AGAP1: variants seen among roughly 807,000 people sequenced by gnomAD.
The protein encoded by AGAP1 is arf-GAP with GTPase, ANK repeat and PH domain-containing protein 1.
In AGAP1, 29 loss-of-function variants were observed where a neutral mutation model predicts 105.3. The ratio of observed to expected loss-of-function variants is 0.28; its 90% CI spans 0.21 to 0.38. The LOEUF is 0.38. AGAP1 is among the 10% of genes least tolerant of loss of function. The pLI, the probability that AGAP1 is intolerant of heterozygous loss-of-function variation, is 1.00. For missense variants in AGAP1, 998 were observed against 1,165.1 expected, an observed-to-expected ratio of 0.86 and a Z score of 2.09; for synonymous variants, 509 against 485.9, an observed-to-expected ratio of 1.05 and a Z score of -0.63.
Position 236,090,567 on chromosome 2 carries a change from C to A in AGAP1, c.2115-29625C>A, listed in dbSNP as rs1401137544. Among the ~76,000 whole-genome samples the A allele has an allele frequency of 1.3e-5, 2 of 152,194 alleles. No homozygotes were observed. The highest frequency in any genetic ancestry group is 3.9e-4 in the East Asian group (2 of 5,170). ...GTGAGAGGCGGGGGTCGGAGGGAGGCCTTCCTCCTGCAGCGTGTTTCCAGT... is the reference window on the plus strand; with the variant it reads ...GTGAGAGGCGGGGGTCGGAGGGAGGACTTCCTCCTGCAGCGTGTTTCCAGT... On this transcript the variant is annotated intron_variant, in intron 16 of 17. Coordinates refer to ENST00000304032, the MANE Select transcript of AGAP1 (RefSeq NM_001037131.3). This position sits in a 1 kb window ranked among gnomAD's most constrained non-coding sequence, Gnocchi z 4.3.
At chr2:235,634,948 C>T (rs1048937876) in intron 1 of AGAP1, among the ~76,000 whole-genome samples, 1 of 151,754 alleles carries the variant, frequency 6.6e-6, no homozygotes, top group Non-Finnish European at 1.5e-5. Context: ...GGTCCACCCC[C>T]ACCTCCTCAC....
chr2:235,783,416 C>A, intron 6 of AGAP1: 1 of 470,622 alleles, frequency 2.1e-6, no homozygotes. Context: ...TCAGGTGTTG[C>A]TTTCTTTGTG....
rs931639540 is a variant in AGAP1 at position 235,977,421 on chromosome 2, C to T, written c.1645+8798C>T. On this transcript the variant is annotated intron_variant, in intron 13 of 17. Coordinates refer to ENST00000304032, the MANE Select transcript of AGAP1 (RefSeq NM_001037131.3). This position sits in a 1 kb window ranked among gnomAD's most constrained non-coding sequence, Gnocchi z 5.2. Reference sequence around the variant, plus strand: ...TGTGTCTTCCTTACTATTCTAAATCCTCATCTACTCTTTCTACTTTCCTCA... The same window carrying T: ...TGTGTCTTCCTTACTATTCTAAATCTTCATCTACTCTTTCTACTTTCCTCA... Among the ~76,000 whole-genome samples, 2 of 152,084 alleles carry T rather than the reference C, an allele frequency of 1.3e-5. No individual in the cohort carries two copies. Among genetic ancestry groups the T allele is most frequent in the Admixed American group, 6.6e-5 (1 of 15,250 alleles).
intron 16 of AGAP1, among the ~76,000 whole-genome samples, chr2:236,116,309 T>G (rs1320830299): frequency 2.0e-5 from 3 of 152,052 alleles, no homozygotes; most frequent in Non-Finnish European, 4.4e-5. Flanking sequence ...ATGCTGATTT[T>G]TTTTCCATAA....
In AGAP1 at chr2:235,631,650, A is replaced by G. The variant is rs983005071; in HGVS notation, c.164-77529A>G. On this transcript the variant is annotated intron_variant, in intron 1 of 17. Coordinates refer to ENST00000304032, the MANE Select transcript of AGAP1 (RefSeq NM_001037131.3). This position sits in a 1 kb window ranked among gnomAD's most constrained non-coding sequence, Gnocchi z 5.4. ...CCGTGTGATTCTGGGCAAGTTGGTT[A>G]ACCTCTCTGTGCTTAGGTGACCTTC... Among the ~76,000 whole-genome samples the G allele has an allele frequency of 8.5e-5, 13 of 152,210 alleles. No individual in the cohort carries two copies. The highest frequency in any genetic ancestry group is 1.6e-4 in the Non-Finnish European group (11 of 68,034).
intron 1 of AGAP1, among the ~76,000 whole-genome samples, chr2:235,668,143 C>G (rs552896621): frequency 1.3e-5 from 2 of 152,048 alleles, no homozygotes; most frequent in African/African-American, 4.8e-5. Context: ...ATGTTAAGGT[C>G]GAGGCCACAG....
At chr2:235,763,738 A>G (rs746547012) in intron 6 of AGAP1, among the ~76,000 whole-genome samples, 4 of 152,192 alleles carry the variant, frequency 2.6e-5, no homozygotes, top group Non-Finnish European at 5.9e-5. Flanking sequence ...GTTTATACAC[A>G]GAAGTATTAT....
intron 13 of AGAP1, among the ~76,000 whole-genome samples, chr2:236,011,949 G>A (rs1389531213): frequency 6.6e-6 from 1 of 151,970 alleles, no homozygotes; most frequent in Admixed American, 6.6e-5. Context: ...AGCAGCATCC[G>A]ACATAACCCA....
Position 236,049,331 on chromosome 2 carries a change from G to A in AGAP1, c.2114+50G>A, listed in dbSNP as rs532986231. The A allele has an allele frequency of 3.9e-6, 6 of 1,553,478 alleles. No homozygotes were observed. In the South Asian group the frequency reaches 4.6e-5, roughly 12 times the overall value. On this transcript the variant is annotated intron_variant, in intron 16 of 17. Transcript: ENST00000304032. ...CTCCCGACACGTTTGCCAACAGTTA[G>A]GCAACTGGAAGTGATCATAATGACA... is the stretch of plus-strand genomic sequence containing the variant.
chr2:236,061,242 G>A lies in AGAP1; in HGVS notation c.2114+11961G>A, dbSNP rs1463108394. Reference sequence around the variant, plus strand: ...CTCTTGGACGGTCGTGGCAAGTGTTGGTGAGGAACGTGGAGACACTGGTGC... The same window carrying A: ...CTCTTGGACGGTCGTGGCAAGTGTTAGTGAGGAACGTGGAGACACTGGTGC... On this transcript the variant is annotated intron_variant, in intron 16 of 17. Transcript: ENST00000304032. This position sits in a 1 kb window ranked among gnomAD's most constrained non-coding sequence, Gnocchi z 4.1. 6.6e-6 allele frequency among the ~76,000 whole-genome samples: 1 copy of A among 152,182 alleles called. No individual in the cohort carries two copies. The highest frequency in any genetic ancestry group is 1.5e-5 in the Non-Finnish European group (1 of 68,042).
rs1946288535 is a variant in AGAP1, at chr2:235,615,782, A to T, written c.164-93397A>T. On this transcript the variant is annotated intron_variant, in intron 1 of 17. Coordinates refer to ENST00000304032, the MANE Select transcript of AGAP1 (RefSeq NM_001037131.3). This position sits in a 1 kb window ranked among gnomAD's most constrained non-coding sequence, Gnocchi z 5.0. ...AGTGTTCCTATATTCTTGGGGATGA[A>T]CTTCAAGGGCAGAAAATAAATGAAA... 6.6e-6 allele frequency among the ~76,000 whole-genome samples: 1 copy of T among 152,156 alleles called. No individual in the cohort carries two copies. The highest frequency in any genetic ancestry group is 1.5e-5 in the Non-Finnish European group (1 of 68,028).
Position 235,741,186 on chromosome 2 carries a change from AT to A in AGAP1, c.396+145del. The stretch of plus-strand genomic sequence containing the variant: ...CATAAAAAATGTTTCCTCTCACTGC[AT>A]TTTTTTCTCATCTCTAAGAAGCTAA... On this transcript the variant is annotated intron_variant, in intron 4 of 17. Coordinates refer to ENST00000304032, the MANE Select transcript of AGAP1 (RefSeq NM_001037131.3). The surrounding 1 kb of genome is among the most constrained non-coding windows in gnomAD (Gnocchi z 4.9). The A allele has an allele frequency of 3.3e-6, 2 of 615,070 alleles. No homozygotes were observed. Among genetic ancestry groups the A allele is most frequent in the African/African-American group, 1.8e-5 (1 of 54,220 alleles). The allele number at this position is 615,070 out of a possible 1,614,324, so 38.1% of individuals were successfully genotyped here.
chr2:235,660,323 T>G lies in AGAP1; in HGVS notation c.164-48856T>G, dbSNP rs1479472675. Among the ~76,000 whole-genome samples, 1 of 152,024 alleles carries G rather than the reference T, an allele frequency of 6.6e-6. No individual in the cohort carries two copies. The highest frequency in any genetic ancestry group is 2.4e-5 in the African/African-American group (1 of 41,396). ...GAAGGGTAAATGGGCTTCCTGGGGG[T>G]TTAGTACAAGTTGACCAACCTTCTT... is the stretch of plus-strand genomic sequence containing the variant. On this transcript the variant is annotated intron_variant, in intron 1 of 17. Transcript: ENST00000304032. The surrounding 1 kb of genome is among the most constrained non-coding windows in gnomAD (Gnocchi z 5.3).
At chr2:236,028,610 A>C (rs1316128936) in intron 13 of AGAP1, among the ~76,000 whole-genome samples, 1 of 152,092 alleles carries the variant, frequency 6.6e-6, no homozygotes, top group African/African-American at 2.4e-5. Flanking sequence ...GATTTTTAAT[A>C]ATTTGTAGGT....
At chr2:235,926,595 T>G (rs2052458227) in intron 11 of AGAP1, among the ~76,000 whole-genome samples, 1 of 152,272 alleles carries the variant, frequency 6.6e-6, no homozygotes, top group Admixed American at 6.5e-5. Flanking sequence ...AAAATACTTT[T>G]GTTTTCTTTT....
At chr2:235,702,028 ATGT>A (rs986606942) in intron 1 of AGAP1, among the ~76,000 whole-genome samples, 8 of 152,130 alleles carry the variant, frequency 5.3e-5, no homozygotes, top group Admixed American at 3.3e-4. Context: ...CTGAGATAAT[ATGT>A]TGTTTTTAAA....
intron 6 of AGAP1, among the ~76,000 whole-genome samples, chr2:235,761,129 T>G (rs1954401750): frequency 6.6e-6 from 1 of 152,164 alleles, no homozygotes; most frequent in Non-Finnish European, 1.5e-5. Flanking sequence ...AGGAAGAAAT[T>G]ATCTTAAAAT....
intron 1 of AGAP1, among the ~76,000 whole-genome samples, chr2:235,682,554 A>G (rs1949136469): frequency 1.3e-5 from 2 of 151,868 alleles, no homozygotes; most frequent in South Asian, 4.2e-4. Flanking sequence ...CATGTTGGCC[A>G]GGCTGGTCTT....
At chr2:235,807,932 A>T (rs1957923806) in intron 9 of AGAP1, among the ~76,000 whole-genome samples, 1 of 152,090 alleles carries the variant, frequency 6.6e-6, no homozygotes, top group South Asian at 2.1e-4. Context: ...AAACTTTCTC[A>T]TTACACAACA....
Sources: gnomAD v4.1 joint callset for allele counts (sites outside exome capture counted in the v4.1 genomes callset) on GRCh38, gnomAD v4.1.1 for gene constraint, Gnocchi (gnomAD v3.1) non-coding constraint, MANE v1.5 for transcripts, NCBI Gene and HGNC (gene_info 2026-07-23, HGNC 2026-07-21) for gene names.